The following CDH18 variants were observed in gnomAD, a reference collection of about 807,000 sequenced individuals.
CDH18 encodes the protein cadherin-18.
A neutral mutation model predicts 67.9 loss-of-function variants in CDH18; 31 were observed. The ratio of observed to expected loss-of-function variants is 0.46; its 90% confidence interval spans 0.34 to 0.62. The LOEUF is 0.62. Ranked by LOEUF, CDH18 falls within the 20% of genes least tolerant of loss-of-function variation. CDH18 has a pLI of 0.01. For synonymous variants in CDH18, 362 were observed against 347.2 expected, an observed-to-expected ratio of 1.04 and a Z score of -0.48; for missense variants, 890 against 975.5, an observed-to-expected ratio of 0.91 and a Z score of 1.17.
chr5:19,787,122 C>T (rs1581351453), intron 3 of CDH18, among the ~76,000 whole-genome samples: 1 of 152,268 alleles, frequency 6.6e-6, no homozygotes, highest in South Asian at 2.1e-4. Context: ...GCTGTCTCTT[C>T]ACAACTATGC....
intron 1 of CDH18, among the ~76,000 whole-genome samples, chr5:20,487,563 A>C (rs1753280492): frequency 6.6e-6 from 1 of 151,154 alleles, no homozygotes; most frequent in African/African-American, 2.4e-5. Context: ...TATGTTCATA[A>C]AATATCAAAT....
Position 19,654,385 on chromosome 5 carries a change from G to T in CDH18, c.644-41784C>A, listed in dbSNP as rs1005951210. On this transcript the variant is annotated intron_variant, in intron 5 of 12. Transcript: ENST00000382275. The stretch of plus-strand genomic sequence containing the variant: ...GCCAATATATGAAATCTGATTATAT[G>T]CATGCATACATGTATAAATGCATAT... 2.0e-5 allele frequency among the ~76,000 whole-genome samples: 3 copies of T among 152,140 alleles called. No homozygotes were observed. The East Asian group carries it at 5.8e-4, about 29-fold the overall frequency.
At chr5:19,627,037 T>C (rs999085500) in intron 5 of CDH18, among the ~76,000 whole-genome samples, 11 of 152,234 alleles carry the variant, frequency 7.2e-5, no homozygotes, top group African/African-American at 2.4e-4. Context: ...ATGTTATTTA[T>C]GTCTACTTTA....
chr5:20,099,359 T>C (rs971335301), intron 2 of CDH18, among the ~76,000 whole-genome samples: 1 of 152,140 alleles, frequency 6.6e-6, no homozygotes, highest in Non-Finnish European at 1.5e-5. Flanking sequence ...ATGACTAAAT[T>C]AGGTGAATGG....
At chr5:20,305,617 AACCCAGAG>A (rs1736364006) in intron 1 of CDH18, 2 of 508,166 alleles carry the variant, frequency 3.9e-6, no homozygotes, top group Non-Finnish European at 7.1e-6. Context: ...GTGCTCGGCA[AACCCAGAG>A]ACTCAAACGC....
At chr5:20,230,936 T>C (rs186053805) in intron 2 of CDH18, among the ~76,000 whole-genome samples, 361 of 152,232 alleles carry the variant, frequency 2.4e-3, no homozygotes, top group African/African-American at 8.0e-3. Flanking sequence ...AAATAAAAGG[T>C]ATAGATGTTA....
chr5:20,048,902 T>C (rs1741146148), intron 2 of CDH18, among the ~76,000 whole-genome samples: 2 of 151,756 alleles, frequency 1.3e-5, no homozygotes, highest in African/African-American at 4.8e-5. Context: ...AGGCAACATT[T>C]CACATCATAA....
intron 2 of CDH18, among the ~76,000 whole-genome samples, chr5:20,184,106 T>C (rs928743078): frequency 1.3e-5 from 2 of 152,040 alleles, no homozygotes; most frequent in South Asian, 2.1e-4. Flanking sequence ...GTTATTGACT[T>C]TCAAAAATAT....
intron 2 of CDH18, among the ~76,000 whole-genome samples, chr5:19,928,535 A>G (rs1407348533): frequency 6.6e-6 from 1 of 152,194 alleles, no homozygotes; most frequent in Non-Finnish European, 1.5e-5. Context: ...GGAACGTAGC[A>G]TGTATATCCA....
intron 1 of CDH18, among the ~76,000 whole-genome samples, chr5:20,410,846 A>T (rs923063850): frequency 6.6e-6 from 1 of 151,900 alleles, no homozygotes; most frequent in Admixed American, 6.6e-5. Flanking sequence ...AGAAAATATC[A>T]TTCACAATAG....
At chr5:19,800,149 T>C (rs1160869115) in intron 3 of CDH18, among the ~76,000 whole-genome samples, 1 of 152,142 alleles carries the variant, frequency 6.6e-6, no homozygotes, top group African/African-American at 2.4e-5. Context: ...AAAAACACTA[T>C]TGAAAGGCTT....
rs942374333 is a variant in CDH18 at position 19,572,393 on chromosome 5, T to A, written c.1000-561A>T. 3.3e-5 allele frequency among the ~76,000 whole-genome samples: 5 copies of A among 152,338 alleles called. No individual in the cohort carries two copies. The South Asian group carries it at 8.3e-4, about 25-fold the overall frequency. On this transcript the variant is annotated intron_variant, in intron 7 of 12. Coordinates refer to ENST00000382275, the MANE Select transcript of CDH18 (RefSeq NM_004934.5). ...TTTTCATTTCTATTTATGCCACTGA[T>A]TTTGTACAAGCCTGCTTCAATCTCA...
At chr5:19,767,293 A>G (rs1233690730) in intron 3 of CDH18, among the ~76,000 whole-genome samples, 1 of 152,046 alleles carries the variant, frequency 6.6e-6, no homozygotes, top group African/African-American at 2.4e-5. Flanking sequence ...AATACGTATG[A>G]CAAACGTAGA....
At chr5:19,965,913 C>T (rs1484155997) in intron 2 of CDH18, among the ~76,000 whole-genome samples, 1 of 152,170 alleles carries the variant, frequency 6.6e-6, no homozygotes, top group African/African-American at 2.4e-5. Flanking sequence ...ATGACAGAGA[C>T]AGTGTGCATG....
intron 2 of CDH18, among the ~76,000 whole-genome samples, chr5:19,860,490 T>C (rs1459315523): frequency 4.0e-5 from 6 of 151,644 alleles, no homozygotes; most frequent in East Asian, 1.9e-4. Context: ...TTGCAGATAG[T>C]TTTATTTTAG....
At chr5:20,173,652 A>G (rs867553719) in intron 2 of CDH18, among the ~76,000 whole-genome samples, 2 of 152,184 alleles carry the variant, frequency 1.3e-5, no homozygotes, top group Non-Finnish European at 2.9e-5. Context: ...AGCAGGGACA[A>G]AAAGGGCATG....
rs1482691225 is a variant in CDH18, at chr5:19,543,966, G to A, written c.1293C>T (p.Phe431=). The A allele has an allele frequency of 7.5e-6, 12 of 1,593,296 alleles. No individual in the cohort carries two copies. The highest frequency in any genetic ancestry group is 9.4e-6 in the Non-Finnish European group (11 of 1,165,476). The change falls in exon 9 of 13, where the codon TTC becomes TTT. Residue 431 remains phenylalanine, a synonymous_variant. Coordinates refer to ENST00000382275, the MANE Select transcript of CDH18 (RefSeq NM_004934.5). Reference sequence around the variant, plus strand: ...TGGTCCCAGTATTGGCATCAATGTTGAAAAATCTGTCGTCTTCAACATTGT... The same window carrying A: ...TGGTCCCAGTATTGGCATCAATGTTAAAAAATCTGTCGTCTTCAACATTGT... The part of the protein sequence containing the change: ...INYNVEDDRF[F]NIDANTGTIR...
At chr5:19,482,988 T>A (rs1287291282) in intron 12 of CDH18, among the ~76,000 whole-genome samples, 3 of 152,080 alleles carry the variant, frequency 2.0e-5, no homozygotes, top group African/African-American at 7.2e-5. Flanking sequence ...CCGCTTAGAT[T>A]CTTGCCAAAA....
chr5:19,480,351 T>A (rs1433366332), intron 12 of CDH18, among the ~76,000 whole-genome samples: 2 of 145,420 alleles, frequency 1.4e-5, no homozygotes, highest in South Asian at 2.2e-4. Flanking sequence ...ATAAAGTTTA[T>A]TTTATTTATT....
Sources: gnomAD v4.1 joint callset for allele counts (sites outside exome capture counted in the v4.1 genomes callset) on GRCh38, gnomAD v4.1.1 for gene constraint, MANE v1.5 for transcripts, NCBI Gene and HGNC (gene_info 2026-07-23, HGNC 2026-07-21) for gene names.